FSTL4: variants seen among roughly 807,000 people sequenced by gnomAD.
FSTL4 encodes follistatin like 4, also known as follistatin-related protein 4.
In FSTL4, 28 loss-of-function variants were observed where a neutral mutation model predicts 78.2. The observed-to-expected ratio is 0.36, with a 90% CI of 0.27 to 0.49. FSTL4 has a LOEUF of 0.49. Among genes scored for constraint, FSTL4 ranks in the 20% least tolerant of loss-of-function variants. FSTL4 has a pLI of 0.98. For missense variants in FSTL4, 922 were observed against 1,084.9 expected (o/e 0.85, Z 2.11); for synonymous variants, 422 against 440.5 (o/e 0.96, Z 0.53).
intron 7 of FSTL4, among the ~76,000 whole-genome samples, chr5:133,243,306 C>G (rs954655767): frequency 1.3e-5 from 2 of 152,004 alleles, no homozygotes; most frequent in African/African-American, 4.8e-5. Context: ...TTGTTGTAGG[C>G]CTTTTTGTTT....
At chr5:133,519,048 G>A (rs1758921636) in intron 3 of FSTL4, among the ~76,000 whole-genome samples, 1 of 152,188 alleles carries the variant, frequency 6.6e-6, no homozygotes, top group South Asian at 2.1e-4. Flanking sequence ...CTGAAGGGAA[G>A]AAAAAACTTT....
At chr5:133,727,236 A>G in the FSTL4 span, among the ~76,000 whole-genome samples, 2 of 152,184 alleles carry the variant, frequency 1.3e-5, no homozygotes, top group Non-Finnish European at 2.9e-5. Context: ...CATTTTAATG[A>G]CTATAAGATT....
the FSTL4 span, among the ~76,000 whole-genome samples, chr5:133,747,141 C>T: frequency 6.6e-6 from 1 of 152,220 alleles, no homozygotes; most frequent in South Asian, 2.1e-4. Context: ...GGTGGACTTT[C>T]TCCTGCAGGC....
At chr5:133,278,217 G>T (rs191232072) in intron 6 of FSTL4, among the ~76,000 whole-genome samples, 71 of 152,308 alleles carry the variant, frequency 4.7e-4, no homozygotes, top group Non-Finnish European at 8.5e-4. Flanking sequence ...CAGTCTATAG[G>T]AGGGCTAGGC....
the FSTL4 span, among the ~76,000 whole-genome samples, chr5:133,644,158 C>G: frequency 6.6e-6 from 1 of 152,150 alleles, no homozygotes; most frequent in African/African-American, 2.4e-5. Flanking sequence ...GTTCACTGGA[C>G]ACACAGAGGA....
chr5:133,715,293 C>T, the FSTL4 span, among the ~76,000 whole-genome samples: 1 of 152,178 alleles, frequency 6.6e-6, no homozygotes, highest in East Asian at 1.9e-4. Flanking sequence ...CTGTTGCAGT[C>T]TTTAGAAGCT....
At chr5:133,523,307 C>T (rs945761749) in intron 3 of FSTL4, among the ~76,000 whole-genome samples, 1 of 152,174 alleles carries the variant, frequency 6.6e-6, no homozygotes, top group Non-Finnish European at 1.5e-5. Context: ...GGTGTTGAAG[C>T]CACCCAGTCT....
At chr5:133,363,129 AC>A (rs1755106165) in intron 4 of FSTL4, among the ~76,000 whole-genome samples, 1 of 152,256 alleles carries the variant, frequency 6.6e-6, no homozygotes, top group East Asian at 1.9e-4. Flanking sequence ...AAAAATAATT[AC>A]CCTTCTTTAT....
At chr5:133,227,463 A>C (rs1277117368) in intron 8 of FSTL4, among the ~76,000 whole-genome samples, 4 of 152,206 alleles carry the variant, frequency 2.6e-5, no homozygotes, top group African/African-American at 9.6e-5. Flanking sequence ...CCTTGGGTAG[A>C]GGGAGGAGTG....
At chr5:133,392,073 A>G (rs933095859) in intron 4 of FSTL4, among the ~76,000 whole-genome samples, 2 of 152,220 alleles carry the variant, frequency 1.3e-5, no homozygotes, top group African/African-American at 4.8e-5. Context: ...TCAAAGTTCC[A>G]TCTTGGAAAG....
At chr5:133,736,006 T>C in the FSTL4 span, among the ~76,000 whole-genome samples, 1 of 152,196 alleles carries the variant, frequency 6.6e-6, no homozygotes, top group Non-Finnish European at 1.5e-5. Flanking sequence ...GTTTGTTACC[T>C]ACACTTGACC....
chr5:133,738,623 G>A, the FSTL4 span, among the ~76,000 whole-genome samples: 1 of 152,142 alleles, frequency 6.6e-6, no homozygotes, highest in South Asian at 2.1e-4. Context: ...AGTAACTCAG[G>A]CCCTGATGCT....
At chr5:133,450,714 G>A (rs551263291) in intron 3 of FSTL4, among the ~76,000 whole-genome samples, 12 of 152,164 alleles carry the variant, frequency 7.9e-5, no homozygotes, top group Non-Finnish European at 1.5e-4. Flanking sequence ...TTCCCAGTTC[G>A]GCATCCCCAG....
chr5:133,673,696 A>G, the FSTL4 span, among the ~76,000 whole-genome samples: 2 of 152,184 alleles, frequency 1.3e-5, no homozygotes, highest in Non-Finnish European at 2.9e-5. Context: ...TCTAGAGCCT[A>G]TTATATGCAC....
intron 6 of FSTL4, among the ~76,000 whole-genome samples, chr5:133,303,417 T>A (rs961690142): frequency 2.0e-5 from 3 of 152,194 alleles, no homozygotes; most frequent in Non-Finnish European, 4.4e-5. Context: ...AGCTCAGGTG[T>A]CCAATGCCTC....
chr5:133,202,475 G>A (rs1750359747), intron 14 of FSTL4: 1 of 152,926 alleles, frequency 6.5e-6, no homozygotes, highest in African/African-American at 2.4e-5. Flanking sequence ...GCCAGGCTAG[G>A]GAAAGTGGGA....
rs79508718 is a variant in FSTL4 at position 133,315,624 on chromosome 5, C to T, written c.603+835G>A. 1.6e-3 allele frequency among the ~76,000 whole-genome samples: 250 copies of T among 152,314 alleles called. 6 individuals carry two copies. In the East Asian group the frequency reaches 0.034, roughly 21 times the overall value. ...GTCACAAGAAAAAGGCTGCCCACCGCCCCCCACCACCCAACTCAGGGAGGC... is the reference window on the plus strand; with the variant it reads ...GTCACAAGAAAAAGGCTGCCCACCGTCCCCCACCACCCAACTCAGGGAGGC... On this transcript the variant is annotated intron_variant, in intron 5 of 15. Coordinates refer to ENST00000265342, the MANE Select transcript of FSTL4 (RefSeq NM_015082.2).
chr5:133,283,643 C>T (rs960305919), intron 6 of FSTL4, among the ~76,000 whole-genome samples: 2 of 152,130 alleles, frequency 1.3e-5, no homozygotes, highest in African/African-American at 4.8e-5. Context: ...GATGTTTGAC[C>T]ATAAGGTGCA....
chr5:133,680,661 T>G, the FSTL4 span, among the ~76,000 whole-genome samples: 1 of 152,182 alleles, frequency 6.6e-6, no homozygotes, highest in Admixed American at 6.5e-5. Flanking sequence ...GAAAACTCCT[T>G]GTCAGCCCCA....
Sources: allele counts gnomAD v4.1 joint callset (sites outside exome capture counted in the v4.1 genomes callset), GRCh38; gene constraint gnomAD v4.1.1; transcripts MANE v1.5; gene names NCBI Gene and HGNC (gene_info 2026-07-23, HGNC 2026-07-21).